The following ACOXL variants were observed in gnomAD, a reference collection of about 807,000 sequenced individuals.
The protein encoded by ACOXL is acyl-CoA oxidase like, also known as acyl-coenzyme A oxidase-like protein.
ACOXL carries 70 observed loss-of-function variants against 71.9 expected under a neutral mutation model. That is an observed-to-expected ratio of 0.97 (90% CI 0.80 to 1.19). The LOEUF is 1.19. ACOXL is among the 50% of genes most tolerant of loss of function. The probability of loss-of-function intolerance (pLI) is 0.00; values close to 1 mark genes in which losing one functional copy is unlikely to be tolerated. For synonymous variants in ACOXL, 253 were observed against 281.6 expected (o/e 0.90, Z 1.02); for missense variants, 703 against 736.3 (o/e 0.95, Z 0.52).
chr2:110,771,288 C>A (rs1681889581), intron 2 of ACOXL, among the ~76,000 whole-genome samples: 1 of 152,198 alleles, frequency 6.6e-6, no homozygotes, highest in Non-Finnish European at 1.5e-5. Context: ...GAGCTGTCCA[C>A]ATCCAGTAAT....
intron 10 of ACOXL, among the ~76,000 whole-genome samples, chr2:110,891,842 A>G (rs940263241): frequency 6.6e-6 from 1 of 151,716 alleles, no homozygotes; most frequent in Non-Finnish European, 1.5e-5. Flanking sequence ...GGGGTGGTAC[A>G]AGGACCTTGG....
intron 2 of ACOXL, among the ~76,000 whole-genome samples, chr2:110,768,691 C>T (rs1275534808): frequency 6.6e-6 from 1 of 152,158 alleles, no homozygotes; most frequent in African/African-American, 2.4e-5. Context: ...TTTTGACCCT[C>T]ACCCTTCTCC....
intron 14 of ACOXL, among the ~76,000 whole-genome samples, chr2:111,014,570 A>G (rs893067752): frequency 6.6e-6 from 1 of 152,216 alleles, no homozygotes; most frequent in African/African-American, 2.4e-5. Flanking sequence ...CTATAGATTC[A>G]GCACCATTTC....
At chr2:110,861,831 C>T (rs977925782) in intron 10 of ACOXL, among the ~76,000 whole-genome samples, 1 of 152,120 alleles carries the variant, frequency 6.6e-6, no homozygotes, top group Non-Finnish European at 1.5e-5. Context: ...ATTTTCTCAC[C>T]GGGCTGCACC....
At chr2:110,828,132 G>A (rs1689382419) in intron 9 of ACOXL, among the ~76,000 whole-genome samples, 1 of 152,014 alleles carries the variant, frequency 6.6e-6, no homozygotes, top group Admixed American at 6.6e-5. Flanking sequence ...CATCGCACCT[G>A]GCTAATTTTT....
At chr2:110,996,604 T>G (rs375582946) in intron 14 of ACOXL, among the ~76,000 whole-genome samples, 141 of 152,298 alleles carry the variant, frequency 9.3e-4, no homozygotes, top group African/African-American at 3.3e-3. Context: ...GCTTTACTGC[T>G]CCTATTCTAT....
At chr2:110,762,128 TC>T (rs1680479923) in intron 1 of ACOXL, among the ~76,000 whole-genome samples, 1 of 152,196 alleles carries the variant, frequency 6.6e-6, no homozygotes, top group Non-Finnish European at 1.5e-5. Flanking sequence ...TTTTCTGACA[TC>T]TACTCTAGCT....
intron 14 of ACOXL, among the ~76,000 whole-genome samples, chr2:111,022,121 C>T (rs886685565): frequency 2.0e-5 from 3 of 151,850 alleles, no homozygotes; most frequent in East Asian, 1.9e-4. Flanking sequence ...GGGAGGCCGA[C>T]GCGAGCAGAT....
At chr2:110,830,621 C>T (rs1260427451) in intron 9 of ACOXL, among the ~76,000 whole-genome samples, 3 of 151,998 alleles carry the variant, frequency 2.0e-5, no homozygotes, top group African/African-American at 7.2e-5. Flanking sequence ...GCAAGCTCCG[C>T]CTCCCAGGCT....
In ACOXL at chr2:110,976,963, T is replaced by TA. The variant is rs570172048; in HGVS notation, c.1060-10140dup. On this transcript the variant is annotated intron_variant, in intron 12 of 17. Coordinates refer to ENST00000439055, the MANE Select transcript of ACOXL (RefSeq NM_001142807.4). ...CCCTTCTAGGAGAACAAAAACTACT[T>TA]AAAAATGGTTATTTCTGGAGTGAGT... 6.7e-3 allele frequency among the ~76,000 whole-genome samples: 1,024 copies of TA among 152,318 alleles called. 7 individuals carry two copies. The highest frequency in any genetic ancestry group is 7.6e-3 in the Admixed American group (117 of 15,300).
chr2:110,971,912 G>C (rs3789101), intron 12 of ACOXL, among the ~76,000 whole-genome samples: 20,902 of 152,144 alleles, frequency 0.14, 1,807 homozygotes, highest in East Asian at 0.35. Context: ...CTTTCTCTCT[G>C]GGAGTATATT....
intron 10 of ACOXL, among the ~76,000 whole-genome samples, chr2:110,866,823 G>A (rs987191668): frequency 5.3e-5 from 8 of 152,136 alleles, no homozygotes; most frequent in African/African-American, 1.9e-4. Flanking sequence ...CATAAACGAT[G>A]CCCCAAGCAC....
chr2:111,046,038 C>A (rs1259355885), intron 15 of ACOXL, among the ~76,000 whole-genome samples: 1 of 152,172 alleles, frequency 6.6e-6, no homozygotes, highest in Admixed American at 6.5e-5. Context: ...CAGGGCAGCC[C>A]GGACATCTAA....
intron 9 of ACOXL, among the ~76,000 whole-genome samples, chr2:110,839,481 T>G (rs1690871062): frequency 6.6e-6 from 1 of 152,206 alleles, no homozygotes; most frequent in African/African-American, 2.4e-5. Flanking sequence ...CAAAGAAAAT[T>G]TACTCCTAGT....
intron 2 of ACOXL, among the ~76,000 whole-genome samples, chr2:110,772,851 A>G (rs1009571969): frequency 1.3e-5 from 2 of 152,212 alleles, no homozygotes; most frequent in Non-Finnish European, 2.9e-5. Flanking sequence ...CAACCAAAAC[A>G]ACATATCACA....
chr2:111,012,280 T>G (rs2064206198), intron 14 of ACOXL, among the ~76,000 whole-genome samples: 2 of 152,248 alleles, frequency 1.3e-5, no homozygotes, highest in Non-Finnish European at 2.9e-5. Flanking sequence ...AATAATTTTT[T>G]TGAGGTGCCT....
chr2:111,100,740 G>A (rs2069092372), intron 17 of ACOXL: 1 of 152,748 alleles, frequency 6.5e-6, no homozygotes, highest in Admixed American at 6.5e-5. Flanking sequence ...ACCCTTGCTG[G>A]GAAGTGGACA....
intron 12 of ACOXL, among the ~76,000 whole-genome samples, chr2:110,956,856 T>C (rs1443301985): frequency 6.6e-6 from 1 of 152,198 alleles, no homozygotes; most frequent in Non-Finnish European, 1.5e-5. Context: ...TCATAAAATA[T>C]GTTTCATGGG....
At chr2:110,903,473 A>C (rs2059324893) in intron 10 of ACOXL, among the ~76,000 whole-genome samples, 1 of 152,254 alleles carries the variant, frequency 6.6e-6, no homozygotes, top group African/African-American at 2.4e-5. Flanking sequence ...GCCCGGCTTT[A>C]TTCTCACATG....
Sources: allele counts gnomAD v4.1 joint callset (sites outside exome capture counted in the v4.1 genomes callset), GRCh38; gene constraint gnomAD v4.1.1; transcripts MANE v1.5; gene names NCBI Gene and HGNC (gene_info 2026-07-23, HGNC 2026-07-21).